B3GALT1: variants seen among roughly 807,000 people sequenced by gnomAD.
The protein encoded by B3GALT1 is beta-1,3-galactosyltransferase 1.
Under a neutral mutation model 23.2 loss-of-function variants are expected in B3GALT1, and 10 were observed. The observed-to-expected ratio is 0.43, with a 90% confidence interval of 0.27 to 0.73. B3GALT1 has a LOEUF of 0.73. Ranked by LOEUF, B3GALT1 falls within the 30% of genes least tolerant of loss-of-function variation. The pLI is 0.21. For missense variants in B3GALT1, 299 were observed against 405.4 expected (o/e 0.74, Z 2.25); for synonymous variants, 156 against 141.5 (o/e 1.10, Z -0.73).
intron 2 of B3GALT1, among the ~76,000 whole-genome samples, chr2:167,559,789 G>C (rs1683934375): frequency 6.6e-6 from 1 of 152,212 alleles, no homozygotes; most frequent in Admixed American, 6.5e-5. Context: ...AAGCCTCCAA[G>C]AAATATGGGA....
chr2:167,338,961 G>A (rs1244571431), intron 1 of B3GALT1, among the ~76,000 whole-genome samples: 2 of 152,108 alleles, frequency 1.3e-5, no homozygotes, highest in Non-Finnish European at 2.9e-5. Flanking sequence ...TACAGAGGCT[G>A]ATTAATCTTA....
At position 167,434,323 on chromosome 2, in the gene B3GALT1, AT is replaced by A. The variant is rs140801669; in HGVS notation, c.-510-55853del. ...TTTGTTCTACAAGAGAAATTTTCAG[AT>A]ATATACAAAAGTAGGAAGACTTCCA... is the stretch of plus-strand genomic sequence containing the variant. On this transcript the variant is annotated intron_variant, in intron 1 of 4. Coordinates refer to ENST00000392690, the MANE Select transcript of B3GALT1 (RefSeq NM_020981.4). 5.5e-3 allele frequency among the ~76,000 whole-genome samples: 836 copies of A among 152,242 alleles called. 10 individuals carry two copies. The highest frequency in any genetic ancestry group is 0.019 in the African/African-American group (802 of 41,556).
At chr2:167,434,103 A>G (rs990889299) in intron 1 of B3GALT1, among the ~76,000 whole-genome samples, 28 of 152,348 alleles carry the variant, frequency 1.8e-4, no homozygotes, top group Admixed American at 1.8e-3. Context: ...AATTTGGCAC[A>G]TCACAAAATT....
intron 2 of B3GALT1, among the ~76,000 whole-genome samples, chr2:167,596,145 C>T (rs768650194): frequency 3.3e-5 from 5 of 152,146 alleles, no homozygotes; most frequent in Non-Finnish European, 5.9e-5. Context: ...ATGTTTTCAT[C>T]TTATTTAGAC....
intron 3 of B3GALT1, among the ~76,000 whole-genome samples, chr2:167,708,845 G>C (rs1313932092): frequency 6.6e-6 from 1 of 152,140 alleles, no homozygotes; most frequent in African/African-American, 2.4e-5. Flanking sequence ...TGGAGAGAGA[G>C]AGATTTATTT....
At position 167,376,836 on chromosome 2, in the gene B3GALT1, T is replaced by G. The variant is rs931387741; in HGVS notation, c.-511+83502T>G. Among the ~76,000 whole-genome samples the G allele has an allele frequency of 4.6e-5, 7 of 152,216 alleles. No individual in the cohort carries two copies. In the East Asian group the frequency reaches 1.2e-3, roughly 25 times the overall value. Reference sequence around the variant, plus strand: ...TTTGTATGGATTTGGAGGTTTCAATTTCATTTAGTTTTGCTCTGATTTTAG... The same window carrying G: ...TTTGTATGGATTTGGAGGTTTCAATGTCATTTAGTTTTGCTCTGATTTTAG... On this transcript the variant is annotated intron_variant, in intron 1 of 4. Coordinates refer to ENST00000392690, the MANE Select transcript of B3GALT1 (RefSeq NM_020981.4).
At chr2:167,340,826 G>C (rs1401940994) in intron 1 of B3GALT1, among the ~76,000 whole-genome samples, 3 of 152,282 alleles carry the variant, frequency 2.0e-5, no homozygotes, top group East Asian at 1.9e-4. Flanking sequence ...AGAAAGAAAA[G>C]ATAGAAGCAT....
intron 3 of B3GALT1, among the ~76,000 whole-genome samples, chr2:167,677,490 C>T (rs1686448682): frequency 1.3e-5 from 2 of 152,168 alleles, no homozygotes; most frequent in Non-Finnish European, 2.9e-5. Context: ...TCCACAGGAC[C>T]CTCTTTCTCA....
intron 2 of B3GALT1, among the ~76,000 whole-genome samples, chr2:167,568,106 G>C (rs989446730): frequency 2.0e-5 from 3 of 152,068 alleles, no homozygotes; most frequent in African/African-American, 7.2e-5. Context: ...TTATCTGGTT[G>C]TACCACAGTT....
chr2:167,504,149 C>T (rs1699886100), intron 2 of B3GALT1, among the ~76,000 whole-genome samples: 1 of 98,394 alleles, frequency 1.0e-5, no homozygotes, highest in African/African-American at 4.1e-5. Flanking sequence ...AAAATACTCT[C>T]AGAATTTAGA....
intron 2 of B3GALT1, among the ~76,000 whole-genome samples, chr2:167,620,388 T>A (rs2105438700): frequency 6.6e-6 from 1 of 152,146 alleles, no homozygotes; most frequent in South Asian, 2.1e-4. Flanking sequence ...TGGACTCAAG[T>A]TGTACAGATC....
At chr2:167,580,653 ACT>A (rs1160555467) in intron 2 of B3GALT1, among the ~76,000 whole-genome samples, 1 of 152,138 alleles carries the variant, frequency 6.6e-6, no homozygotes, top group Non-Finnish European at 1.5e-5. Context: ...TGGAAATTTC[ACT>A]GATTTTCAGT....
intron 1 of B3GALT1, among the ~76,000 whole-genome samples, chr2:167,444,416 C>T (rs775064475): frequency 2.1e-4 from 32 of 152,072 alleles, no homozygotes; most frequent in South Asian, 6.2e-4. Flanking sequence ...TTTTTTCTAT[C>T]GATTAGAATA....
At chr2:167,419,097 T>G (rs1448186384) in intron 1 of B3GALT1, among the ~76,000 whole-genome samples, 1 of 152,178 alleles carries the variant, frequency 6.6e-6, no homozygotes, top group Non-Finnish European at 1.5e-5. Flanking sequence ...AGTTTAGGAA[T>G]AGTACATTGA....
intron 3 of B3GALT1, among the ~76,000 whole-genome samples, chr2:167,693,401 C>T (rs1686745258): frequency 6.6e-6 from 1 of 151,866 alleles, no homozygotes; most frequent in Non-Finnish European, 1.5e-5. Flanking sequence ...TTTTAAAGCC[C>T]CGTAGGAAAA....
At chr2:167,625,331 G>A (rs536452141) in intron 2 of B3GALT1, among the ~76,000 whole-genome samples, 79 of 151,882 alleles carry the variant, frequency 5.2e-4, no homozygotes, top group African/African-American at 1.8e-3. Context: ...CAATAATTCT[G>A]ACCTTCACCA....
chr2:167,418,819 G>A (rs1698506795), intron 1 of B3GALT1, among the ~76,000 whole-genome samples: 1 of 152,086 alleles, frequency 6.6e-6, no homozygotes, highest in South Asian at 2.1e-4. Flanking sequence ...TTACAGGCGT[G>A]AGCCACTGTG....
intron 3 of B3GALT1, among the ~76,000 whole-genome samples, chr2:167,808,868 C>G (rs973405961): frequency 6.2e-4 from 95 of 152,286 alleles, no homozygotes; most frequent in African/African-American, 2.2e-3. Context: ...GGATAATATC[C>G]TGCAGCGTGT....
chr2:167,407,818 A>G (rs1698324611), intron 1 of B3GALT1, among the ~76,000 whole-genome samples: 1 of 152,162 alleles, frequency 6.6e-6, no homozygotes. Context: ...ACAAGTAACA[A>G]GATTTAAGCC....
Sources: gnomAD v4.1 joint callset for allele counts (sites outside exome capture counted in the v4.1 genomes callset) on GRCh38, gnomAD v4.1.1 for gene constraint, MANE v1.5 for transcripts, NCBI Gene and HGNC (gene_info 2026-07-23, HGNC 2026-07-21) for gene names.